ZCCHC7: variants seen among roughly 807,000 people sequenced by gnomAD.
ZCCHC7 encodes the protein zinc finger CCHC domain-containing protein 7.
Under a neutral mutation model 52.0 loss-of-function variants are expected in ZCCHC7, and 35 were observed. That is an observed-to-expected ratio of 0.67 (90% CI 0.51 to 0.89). The LOEUF (loss-of-function observed/expected upper bound fraction) is 0.89. ZCCHC7 is among the 40% of genes least tolerant of loss of function. The probability of loss-of-function intolerance (pLI) is 0.00; values close to 1 mark genes in which losing one functional copy is unlikely to be tolerated. For missense variants in ZCCHC7, 574 were observed against 649.1 expected (o/e 0.88, Z 1.26); for synonymous variants, 217 against 221.5 (o/e 0.98, Z 0.18).
chr9:37,346,059 A>G (rs969442591), intron 6 of ZCCHC7, among the ~76,000 whole-genome samples: 2 of 152,030 alleles, frequency 1.3e-5, no homozygotes, highest in Non-Finnish European at 2.9e-5. Context: ...CTAGAGTGCA[A>G]TGGCACGATC....
intron 2 of ZCCHC7, among the ~76,000 whole-genome samples, chr9:37,134,346 A>G (rs1191193477): frequency 2.0e-5 from 3 of 152,088 alleles, no homozygotes. Flanking sequence ...AACATGTTCT[A>G]CTGTCCTCTG....
At chr9:37,310,920 G>A (rs867415518) in intron 5 of ZCCHC7, among the ~76,000 whole-genome samples, 1 of 145,004 alleles carries the variant, frequency 6.9e-6, no homozygotes, top group Non-Finnish European at 1.5e-5. Context: ...TCACATCACT[G>A]CACTCCAGCC....
chr9:37,132,943 C>T (rs188670455), intron 2 of ZCCHC7, among the ~76,000 whole-genome samples: 42 of 152,270 alleles, frequency 2.8e-4, no homozygotes, highest in African/African-American at 9.6e-4. Context: ...TCGAGACTAG[C>T]CTGACCAACA....
chr9:37,279,553 G>A (rs1172628212), intron 2 of ZCCHC7, among the ~76,000 whole-genome samples: 1 of 152,094 alleles, frequency 6.6e-6, no homozygotes, highest in East Asian at 1.9e-4. Context: ...AGATCTAAAT[G>A]TGGACATATT....
At chr9:37,212,555 G>A (rs1038287497) in intron 2 of ZCCHC7, among the ~76,000 whole-genome samples, 27 of 152,000 alleles carry the variant, frequency 1.8e-4, no homozygotes, top group Non-Finnish European at 3.7e-4. Flanking sequence ...GAATCATTGA[G>A]ATGAACTGAA....
intron 2 of ZCCHC7, among the ~76,000 whole-genome samples, chr9:37,197,356 C>T (rs933766787): frequency 1.3e-5 from 2 of 152,128 alleles, no homozygotes; most frequent in Non-Finnish European, 2.9e-5. Context: ...TATAAACATG[C>T]TATGCATGAG....
chr9:37,126,744 G>T lies in ZCCHC7; in HGVS notation c.412G>T (p.Glu138Ter), dbSNP rs779728773. 3.1e-6 allele frequency: 5 copies of T among 1,614,090 alleles called. No individual in the cohort carries two copies. In the Admixed American group the frequency reaches 8.3e-5, roughly 27 times the overall value. The change falls in exon 2 of 9, where the codon GAG (glutamate) becomes TAG (stop). Residue 138 changes from glutamate (E) to a stop codon, truncating the protein, a stop_gained. Coordinates refer to ENST00000336755, the MANE Select transcript of ZCCHC7 (RefSeq NM_032226.3). LOFTEE classifies it high-confidence loss of function. ...TGATAAGAAATGCAAGAGTGATATT[G>T]AGAAGCCTAAATCTGAAGAGAGATC... ...LVDKKCKSDI[E>*]KPKSEERSGV... is the part of the protein sequence containing the mutation.
chr9:37,256,753 G>A (rs1826607911), intron 2 of ZCCHC7, among the ~76,000 whole-genome samples: 1 of 152,116 alleles, frequency 6.6e-6, no homozygotes, highest in Non-Finnish European at 1.5e-5. Flanking sequence ...CTGTCCAAGA[G>A]AGACCAATTT....
Position 37,140,200 on chromosome 9 carries a change from G to T in ZCCHC7, c.610+13258G>T, listed in dbSNP as rs138579842. ...TCTGATTTAACACAAATGAACTTTT[G>T]TCAATGGTTTTATTTAGAAATAGCA... On this transcript the variant is annotated intron_variant, in intron 2 of 8. Coordinates refer to ENST00000336755, the MANE Select transcript of ZCCHC7 (RefSeq NM_032226.3). Among the ~76,000 whole-genome samples, 158 of 151,958 alleles carry T rather than the reference G, an allele frequency of 1.0e-3. 1 individual carries two copies. The highest frequency in any genetic ancestry group is 5.0e-4 in the Non-Finnish European group (34 of 67,834).
chr9:37,286,346 A>G (rs973878416), intron 2 of ZCCHC7, among the ~76,000 whole-genome samples: 1 of 152,154 alleles, frequency 6.6e-6, no homozygotes, highest in Non-Finnish European at 1.5e-5. Context: ...ACCTACCTTT[A>G]TAAGATTGTT....
At chr9:37,141,762 A>G (rs1031987525) in intron 2 of ZCCHC7, among the ~76,000 whole-genome samples, 4 of 151,886 alleles carry the variant, frequency 2.6e-5, no homozygotes, top group African/African-American at 7.2e-5. Flanking sequence ...CACAGTGTGT[A>G]TATATTCAAA....
At chr9:37,193,382 T>C (rs2133115300) in intron 2 of ZCCHC7, among the ~76,000 whole-genome samples, 1 of 152,258 alleles carries the variant, frequency 6.6e-6, no homozygotes, top group Middle Eastern at 3.4e-3. Flanking sequence ...TAACTAAAAT[T>C]CTCCTACAAT....
intron 2 of ZCCHC7, among the ~76,000 whole-genome samples, chr9:37,233,975 T>G (rs1318138191): frequency 6.6e-6 from 1 of 152,268 alleles, no homozygotes; most frequent in East Asian, 1.9e-4. Context: ...TGCCGCAGCC[T>G]CCTGAGTAGC....
chr9:37,208,613 C>T (rs1185460489), intron 2 of ZCCHC7, among the ~76,000 whole-genome samples: 1 of 152,190 alleles, frequency 6.6e-6, no homozygotes, highest in Admixed American at 6.5e-5. Context: ...CTTTCTGGTA[C>T]TTACATCTCA....
At chr9:37,148,292 A>G (rs552566778) in intron 2 of ZCCHC7, among the ~76,000 whole-genome samples, 14 of 152,158 alleles carry the variant, frequency 9.2e-5, no homozygotes, top group African/African-American at 3.4e-4. Flanking sequence ...CCCTGACCCC[A>G]CGGATCCTAT....
chr9:37,297,066 T>C (rs1828822874), intron 2 of ZCCHC7, among the ~76,000 whole-genome samples: 2 of 152,232 alleles, frequency 1.3e-5, no homozygotes, highest in Non-Finnish European at 2.9e-5. Flanking sequence ...ATCTTACATA[T>C]AGGAGACTGT....
chr9:37,337,252 G>T (rs1830714257), intron 6 of ZCCHC7, among the ~76,000 whole-genome samples: 1 of 152,120 alleles, frequency 6.6e-6, no homozygotes, highest in Non-Finnish European at 1.5e-5. Flanking sequence ...ATTAAAATTG[G>T]TAATGACAGC....
chr9:37,232,549 A>G (rs1460757720), intron 2 of ZCCHC7, among the ~76,000 whole-genome samples: 1 of 152,210 alleles, frequency 6.6e-6, no homozygotes, highest in Non-Finnish European at 1.5e-5. Flanking sequence ...GCCAAATCCA[A>G]CCAATCTCCT....
intron 2 of ZCCHC7, among the ~76,000 whole-genome samples, chr9:37,252,805 A>C (rs1826393330): frequency 6.6e-6 from 1 of 152,118 alleles, no homozygotes; most frequent in Admixed American, 6.5e-5. Flanking sequence ...TGTAATACCA[A>C]CATTGGTATT....
Sources: allele counts gnomAD v4.1 joint callset (sites outside exome capture counted in the v4.1 genomes callset), GRCh38; gene constraint gnomAD v4.1.1; transcripts MANE v1.5; gene names NCBI Gene and HGNC (gene_info 2026-07-23, HGNC 2026-07-21).